The following KHDRBS2 variants were observed in gnomAD, a reference collection of about 807,000 sequenced individuals.
KHDRBS2 encodes KH RNA binding domain containing, signal transduction associated 2.
A neutral mutation model predicts 44.3 loss-of-function variants in KHDRBS2; 26 were observed. The observed-to-expected ratio is 0.59, with a 90% confidence interval of 0.43 to 0.81. The LOEUF is 0.81. KHDRBS2 is among the 40% of genes least tolerant of loss of function. KHDRBS2 has a pLI of 0.00. For synonymous variants in KHDRBS2, 194 were observed against 151.1 expected (o/e 1.28, Z -2.08); for missense variants, 476 against 433.1 (o/e 1.10, Z -0.88).
At chr6:62,216,773 G>A (rs568141298) in intron 1 of KHDRBS2, among the ~76,000 whole-genome samples, 1 of 149,468 alleles carries the variant, frequency 6.7e-6, no homozygotes, top group Admixed American at 6.7e-5. Context: ...AGTAGACCAG[G>A]ATAGACTTTA....
Position 62,059,055 on chromosome 6 carries a change from C to T in KHDRBS2, c.220-11061G>A, listed in dbSNP as rs149224746. On this transcript the variant is annotated intron_variant, in intron 2 of 8. Transcript: ENST00000281156. ...AATACCTCTTTCAGAAAACTTAGAA[C>T]TCCACTGAGGGGAAAGGGGCTGTAC... Among the ~76,000 whole-genome samples the T allele has an allele frequency of 1.7e-3, 251 of 151,548 alleles. 1 individual carries two copies. The highest frequency in any genetic ancestry group is 1.1e-3 in the Non-Finnish European group (74 of 67,786).
At chr6:61,758,287 T>C (rs1270590113) in intron 6 of KHDRBS2, among the ~76,000 whole-genome samples, 3 of 152,070 alleles carry the variant, frequency 2.0e-5, no homozygotes, top group Admixed American at 6.6e-5. Context: ...ATTTTGTATG[T>C]TTTTTGTTGT....
intron 1 of KHDRBS2, among the ~76,000 whole-genome samples, chr6:62,270,812 G>C (rs1585539472): frequency 6.6e-6 from 1 of 152,170 alleles, no homozygotes; most frequent in East Asian, 1.9e-4. Context: ...GAGATGACTG[G>C]ATGACCTATG....
chr6:62,060,117 G>A (rs147074530), intron 2 of KHDRBS2, among the ~76,000 whole-genome samples: 94 of 151,878 alleles, frequency 6.2e-4, no homozygotes, highest in African/African-American at 2.2e-3. Context: ...GGCAGAAGGA[G>A]TAACATGTGA....
intron 1 of KHDRBS2, among the ~76,000 whole-genome samples, chr6:62,220,431 C>T (rs944967362): frequency 6.6e-6 from 1 of 151,806 alleles, no homozygotes; most frequent in African/African-American, 2.4e-5. Flanking sequence ...ACATTGTACA[C>T]ATATACACAA....
chr6:61,730,170 A>G (rs1458936350), intron 7 of KHDRBS2, among the ~76,000 whole-genome samples: 2 of 152,260 alleles, frequency 1.3e-5, no homozygotes, highest in African/African-American at 2.4e-5. Context: ...TTCAGAAACT[A>G]TACTAGTATT....
At chr6:61,545,501 C>CTGTGTGTGTGTG in the KHDRBS2 span, among the ~76,000 whole-genome samples, 899 of 148,434 alleles carry the variant, frequency 6.1e-3, 13 homozygotes, top group African/African-American at 0.02. Context: ...TAGCTAATCT[C>CTGTGTGTGTGTG]TGTGTGTGTG....
chr6:61,591,176 C>T, the KHDRBS2 span, among the ~76,000 whole-genome samples: 1 of 152,162 alleles, frequency 6.6e-6, no homozygotes, highest in African/African-American at 2.4e-5. Context: ...GGAATTCCTT[C>T]ATCATTGACA....
chr6:61,687,093 T>C (rs1766898823), intron 8 of KHDRBS2, among the ~76,000 whole-genome samples: 1 of 151,704 alleles, frequency 6.6e-6, no homozygotes, highest in South Asian at 2.1e-4. Flanking sequence ...TTCCCACTAT[T>C]TGTAATTATA....
chr6:62,145,590 C>T (rs1813757073), intron 2 of KHDRBS2, among the ~76,000 whole-genome samples: 2 of 151,460 alleles, frequency 1.3e-5, no homozygotes, highest in Admixed American at 1.3e-4. Context: ...GGTTTACTTC[C>T]AAGTGTTTAG....
At chr6:62,063,224 T>A (rs1465486281) in intron 2 of KHDRBS2, among the ~76,000 whole-genome samples, 1 of 137,596 alleles carries the variant, frequency 7.3e-6, no homozygotes, top group Non-Finnish European at 1.6e-5. Context: ...GTACCATTCC[T>A]TCTGAAACTA....
At chr6:62,186,604 A>G (rs1292854974) in intron 1 of KHDRBS2, among the ~76,000 whole-genome samples, 3 of 94,388 alleles carry the variant, frequency 3.2e-5, no homozygotes, top group Non-Finnish European at 4.8e-5. Context: ...AAATAGGACA[A>G]AATGAAGGAG....
At chr6:62,157,130 C>T (rs1450612523) in intron 2 of KHDRBS2, among the ~76,000 whole-genome samples, 5 of 151,302 alleles carry the variant, frequency 3.3e-5, no homozygotes, top group Non-Finnish European at 5.9e-5. Context: ...CCAAGGTGGG[C>T]GGATCACGAG....
chr6:62,149,768 T>G (rs1814706000), intron 2 of KHDRBS2, among the ~76,000 whole-genome samples: 1 of 152,172 alleles, frequency 6.6e-6, no homozygotes. Flanking sequence ...GAAAGATTGT[T>G]TGAAAATCAG....
chr6:61,945,102 A>ATATAT lies in KHDRBS2; in HGVS notation c.483+32963_483+32964insATATA, dbSNP rs1456176748. Among the ~76,000 whole-genome samples, 31 of 71,602 alleles carry ATATAT rather than the reference A, an allele frequency of 4.3e-4. 3 individuals carry two copies. The highest frequency in any genetic ancestry group is 1.0e-3 in the South Asian group (2 of 1,996). The allele number at this position is 71,602 out of a possible 152,430, so 47.0% of individuals were successfully genotyped here. On this transcript the variant is annotated intron_variant, in intron 4 of 8. Transcript: ENST00000281156. ...TGAGACTCTGTCTTAAAAAAAAAAA[A>ATATAT]AAAAAAAAAAGTATATATATATATA... is the stretch of plus-strand genomic sequence containing the variant.
intron 3 of KHDRBS2, among the ~76,000 whole-genome samples, chr6:62,016,792 G>T (rs1442880598): frequency 2.0e-5 from 3 of 151,854 alleles, no homozygotes; most frequent in Non-Finnish European, 2.9e-5. Flanking sequence ...GTCATAAACA[G>T]TGGCCATAAC....
intron 2 of KHDRBS2, among the ~76,000 whole-genome samples, chr6:62,062,430 C>G (rs1792210951): frequency 6.6e-6 from 1 of 150,850 alleles, no homozygotes; most frequent in African/African-American, 2.4e-5. Flanking sequence ...CAAACTATCT[C>G]TCAGACCACA....
At chr6:61,928,999 A>G (rs1248604275) in intron 4 of KHDRBS2, among the ~76,000 whole-genome samples, 2 of 152,168 alleles carry the variant, frequency 1.3e-5, no homozygotes, top group Non-Finnish European at 2.9e-5. Context: ...ATCACACAAT[A>G]TCATATTTTA....
At chr6:62,128,109 C>A (rs1809400436) in intron 2 of KHDRBS2, among the ~76,000 whole-genome samples, 1 of 152,052 alleles carries the variant, frequency 6.6e-6, no homozygotes, top group Admixed American at 6.6e-5. Flanking sequence ...AAATCTTTCT[C>A]ATCGTATTAG....
Sources: allele counts gnomAD v4.1 joint callset (sites outside exome capture counted in the v4.1 genomes callset), GRCh38; gene constraint gnomAD v4.1.1; transcripts MANE v1.5; gene names NCBI Gene and HGNC (gene_info 2026-07-23, HGNC 2026-07-21).